Variants in DNAJC4 observed in about 807,000 individuals in gnomAD.
The protein encoded by DNAJC4 is DnaJ heat shock protein family (Hsp40) member C4, also known as dnaJ homolog subfamily C member 4.
DNAJC4 carries 26 observed loss-of-function variants against 26.8 expected under a neutral mutation model. The observed-to-expected ratio is 0.97, with a 90% CI of 0.71 to 1.34. DNAJC4 has a LOEUF of 1.34. Ranked by LOEUF, DNAJC4 falls within the 40% of genes most tolerant of loss-of-function variation. The pLI, the probability that DNAJC4 is intolerant of heterozygous loss-of-function variation, is 0.00. For synonymous variants in DNAJC4, 134 were observed against 127.8 expected (o/e 1.05, Z -0.33); for missense variants, 342 against 321.1 (o/e 1.07, Z -0.50).
chr11:64,234,086 A>G lies in DNAJC4; in HGVS notation c.628A>G (p.Ile210Val), dbSNP rs988381474. ...ARARARANRG[I>V]LQQERQRLGQ... ...CCTCTCCTCCAGGGCCAACAGAGGC[A>G]TCCTTCAGCAGGAGCGACAACGGCT... The change falls in exon 6 of 6, where the codon ATC (isoleucine) becomes GTC (valine). Residue 210 changes from isoleucine to valine, a missense_variant. Physicochemically the swap from Ile to Val is conservative, Grantham distance 29. Transcript: ENST00000628077. The surrounding 1 kb of genome is among the most constrained non-coding windows in gnomAD (Gnocchi z 5.3). 1.2e-6 allele frequency: 2 copies of G among 1,612,228 alleles called. No homozygotes were observed. The highest frequency in any genetic ancestry group is 4.5e-5 in the East Asian group (2 of 44,848).
In DNAJC4 at chr11:64,230,904, C is replaced by T. The variant is rs939537242; in HGVS notation, c.50C>T (p.Pro17Leu). ...CTGTGCCGGCTGTGGCCCCGCAACC[C>T]TCCCTCCCGGCTCCTCGGAGCGGCC... ...LRLCRLWPRN[P>L]PSRLLGAAAG... The change falls in exon 1 of 6, where the codon CCT (proline) becomes CTT (leucine). Residue 17 changes from proline (P) to leucine (L), a missense_variant. Transcript: ENST00000628077. 1.9e-6 allele frequency: 3 copies of T among 1,587,894 alleles called. No individual in the cohort carries two copies. The highest frequency in any genetic ancestry group is 1.3e-5 in the African/African-American group (1 of 74,342).
rs768717690 is a variant in DNAJC4, at chr11:64,232,883, C to T, written c.527+18C>T. 4.4e-5 allele frequency: 69 copies of T among 1,554,566 alleles called. No homozygotes were observed. The Middle Eastern group carries it at 6.8e-4, about 15-fold the overall frequency. ...GCCTTCAGGTGATGCCTGTTCTCCC[C>T]GGGGTGATGGGCAGAGGGCAGGAGG... On this transcript the variant is annotated intron_variant, in intron 4 of 5. Transcript: ENST00000628077.
At chr11:64,233,873 G>A (rs749480968) in intron 4 of DNAJC4, 21 bp from the exon 5 acceptor site, 2 of 1,611,048 alleles carry the variant, frequency 1.2e-6, no homozygotes, top group South Asian at 2.2e-5. Context: ...GATTCCCAGG[G>A]TTAATTGTGA....
chr11:64,232,457 C>T lies in DNAJC4; in HGVS notation c.208C>T (p.Pro70Ser), dbSNP rs199745306. Residue 70 changes from proline (P) to serine (S), a missense_variant, in exon 3 of 6, where the codon CCA becomes TCA. Transcript: ENST00000628077. Reference sequence around the variant, plus strand: ...GCACCCAGACCGGGACCCTGGGAACCCAAGCCTGCACAGCCGCTTTGTGGA... The same window carrying T: ...GCACCCAGACCGGGACCCTGGGAACTCAAGCCTGCACAGCCGCTTTGTGGA... ...ELHPDRDPGN[P>S]SLHSRFVELS... The T allele has an allele frequency of 9.1e-3, 14,623 of 1,600,620 alleles. 101 individuals are homozygous for T. The highest frequency in any genetic ancestry group is 0.011 in the Non-Finnish European group (13,253 of 1,171,108).
rs372029552 is a variant in DNAJC4 at position 64,232,749 on chromosome 11, C to T, written c.411C>T (p.Ser137=). ...PNAQYWSQFH[S]VRPQGPQLRQ... ...CACAGTACTGGTCCCAGTTTCACAG[C>T]GTGAGGCCACAGGGGCCCCAGTTGA... Residue 137 remains serine, a synonymous_variant, in exon 4 of 6, where the codon AGC becomes AGT. Coordinates refer to ENST00000628077, the MANE Select transcript of DNAJC4 (RefSeq NM_005528.4). The T allele has an allele frequency of 7.8e-5, 125 of 1,612,022 alleles. 1 individual carries two copies. Among genetic ancestry groups the T allele is most frequent in the Non-Finnish European group, 9.9e-5 (117 of 1,178,974 alleles).
At chr11:64,233,659 A>G (rs886763728) in intron 4 of DNAJC4, 9 of 588,262 alleles carry the variant, frequency 1.5e-5, no homozygotes, top group African/African-American at 1.3e-4. Context: ...GAGCACCCCC[A>G]TGTCCACAGC....
intron 2 of DNAJC4, 192 bp downstream of exon 2, chr11:64,232,156 G>C (rs571826604): frequency 8.3e-6 from 6 of 723,068 alleles, no homozygotes; most frequent in Non-Finnish European, 1.4e-5. Context: ...GATGGGCTGG[G>C]CTTGGTTTTC....
chr11:64,233,622 C>T (rs905053677), intron 4 of DNAJC4: 5 of 534,342 alleles, frequency 9.4e-6, no homozygotes, highest in Middle Eastern at 5.1e-4. Flanking sequence ...TGGAGTTAGA[C>T]GCATACCCTT....
Position 64,234,034 on chromosome 11 carries a change from G to C in DNAJC4, c.615-39G>C. ...CTCCCTGTCCAGGAACCACACTTCGGGATCCCTATCCCAACCACCCAGGTG... is the reference window on the plus strand; with the variant it reads ...CTCCCTGTCCAGGAACCACACTTCGCGATCCCTATCCCAACCACCCAGGTG... On this transcript the variant is annotated intron_variant, in intron 5 of 5. Transcript: ENST00000628077. This position sits in a 1 kb window ranked among gnomAD's most constrained non-coding sequence, Gnocchi z 5.3. 2 of 1,613,844 alleles carry C rather than the reference G, an allele frequency of 1.2e-6. No homozygotes were observed. Among genetic ancestry groups the C allele is most frequent in the Non-Finnish European group, 1.7e-6 (2 of 1,180,012 alleles).
rs1379591754 is a variant in DNAJC4 at position 64,232,577 on chromosome 11, A to C, written c.328A>C (p.Thr110Pro). 6.2e-7 allele frequency: 1 copy of C among 1,610,136 alleles called. No individual in the cohort carries two copies. Among genetic ancestry groups the C allele is most frequent in the East Asian group, 2.2e-5 (1 of 44,780 alleles). ...AGGTAGTCCCCCAAAGTCTCCACGAACCACAGTCCATGACAAGTCTGCCCA... is the reference window on the plus strand; with the variant it reads ...AGGTAGTCCCCCAAAGTCTCCACGACCCACAGTCCATGACAAGTCTGCCCA... ...RSGSPPKSPR[T>P]TVHDKSAHQT... Residue 110 changes from threonine (T) to proline (P), a missense_variant, in exon 3 of 6, where the codon ACC (threonine) becomes CCC (proline). Coordinates refer to ENST00000628077, the MANE Select transcript of DNAJC4 (RefSeq NM_005528.4).
At position 64,231,930 on chromosome 11, in the gene DNAJC4, A is replaced by C. The variant is rs544177015; in HGVS notation, c.146A>C (p.Glu49Ala). The change falls in exon 2 of 6, where the codon GAA becomes GCA. Residue 49 changes from glutamate to alanine, a missense_variant. Coordinates refer to ENST00000628077, the MANE Select transcript of DNAJC4 (RefSeq NM_005528.4). ...LGVHPGASTE[E>A]VKRAFFSKSK... ...GTGCATCCTGGTGCCAGCACTGAGG[A>C]AGTTAAACGAGCTTTCTTCTCCAAG... is the stretch of plus-strand genomic sequence containing the variant. The C allele has an allele frequency of 3.1e-4, 498 of 1,614,080 alleles. 6 individuals carry two copies. The South Asian group carries it at 5.3e-3, about 17-fold the overall frequency.
At chr11:64,230,965 C>T in intron 1 of DNAJC4, 25 bp downstream of exon 1, 1 of 1,538,482 alleles carries the variant, frequency 6.5e-7, no homozygotes, top group South Asian at 1.2e-5. Context: ...GGGGGCCGGC[C>T]CGGTTGTTCA....
chr11:64,232,272 G>A (rs1013053357), intron 2 of DNAJC4, 158 bp from the exon 3 acceptor site: 2 of 949,672 alleles, frequency 2.1e-6, no homozygotes, highest in African/African-American at 1.7e-5. Context: ...AGGAGTCCAT[G>A]CTCTCTGGCC....
chr11:64,232,831 C>A lies in DNAJC4; in HGVS notation c.493C>A (p.Leu165Met). The change falls in exon 4 of 6, where the codon CTG (leucine) becomes ATG (methionine). Residue 165 changes from leucine to methionine, a missense_variant. By Grantham distance (15) the Leu-to-Met change is conservative (BLOSUM62 2). Transcript: ENST00000628077. Reference sequence around the variant, plus strand: ...GCTGGGGTACTGCCTCCTCCTCATGCTGGCGGGCATGGGCCTGCACTACAT... The same window carrying A: ...GCTGGGGTACTGCCTCCTCCTCATGATGGCGGGCATGGGCCTGCACTACAT... ...QVLGYCLLLM[L>M]AGMGLHYIAF... is the part of the protein sequence containing the mutation. 6.2e-7 allele frequency: 1 copy of A among 1,609,832 alleles called. No homozygotes were observed. Among genetic ancestry groups the A allele is most frequent in the Non-Finnish European group, 8.5e-7 (1 of 1,177,510 alleles).
chr11:64,234,154 C>T lies in DNAJC4; in HGVS notation c.696C>T (p.Pro232=), dbSNP rs1265439719. The T allele has an allele frequency of 1.3e-6, 2 of 1,586,238 alleles. No homozygotes were observed. The highest frequency in any genetic ancestry group is 8.6e-7 in the Non-Finnish European group (1 of 1,168,750). The change falls in exon 6 of 6, where the codon CCC becomes CCT. Residue 232 remains proline (P), a synonymous_variant. Transcript: ENST00000628077. The surrounding 1 kb of genome is among the most constrained non-coding windows in gnomAD (Gnocchi z 5.3). Reference sequence around the variant, plus strand: ...CACCATCCGAGCCAACCCAAGGCCCCGAGATCGTGCCCCGGGGCGCCGGCC... The same window carrying T: ...CACCATCCGAGCCAACCCAAGGCCCTGAGATCGTGCCCCGGGGCGCCGGCC... ...QPPPSEPTQG[P]EIVPRGAGP
upstream of DNAJC4, chr11:64,230,491 C>T: frequency 1.8e-6 from 1 of 557,764 alleles, no homozygotes; most frequent in Non-Finnish European, 3.4e-6. Context: ...TGAATAGACG[C>T]AGGAAATGGC....
rs754860524 is a variant in DNAJC4 at position 64,232,814 on chromosome 11, ACTGC to A, written c.479_482del (p.Cys160SerfsTer18). On this transcript the variant is annotated frameshift_variant, in exon 4 of 6. Coordinates refer to ENST00000628077, the MANE Select transcript of DNAJC4 (RefSeq NM_005528.4). LOFTEE classifies it high-confidence loss of function. ...AAACAAAACAAACAAGTGCTGGGGT[ACTGC>A]CTCCTCCTCATGCTGGCGGGCATGG... 6 of 1,612,850 alleles carry A rather than the reference ACTGC, an allele frequency of 3.7e-6. No individual in the cohort carries two copies. In the South Asian group the frequency reaches 5.5e-5, roughly 15 times the overall value.
chr11:64,230,898 G>T lies in DNAJC4; in HGVS notation c.44G>T (p.Arg15Leu). The T allele has an allele frequency of 1.3e-6, 2 of 1,591,070 alleles. No individual in the cohort carries two copies. The highest frequency in any genetic ancestry group is 1.7e-6 in the Non-Finnish European group (2 of 1,172,640). Residue 15 changes from arginine (R) to leucine (L), a missense_variant, in exon 1 of 6, where the codon CGC (arginine) becomes CTC (leucine). By Grantham distance (102) the Arg-to-Leu change is moderately radical (BLOSUM62 -2). Transcript: ENST00000628077. The stretch of plus-strand genomic sequence containing the variant: ...CTGCGCCTGTGCCGGCTGTGGCCCC[G>T]CAACCCTCCCTCCCGGCTCCTCGGA... ...LPLRLCRLWP[R>L]NPPSRLLGAA...
At chr11:64,231,106 C>G (rs1565313922) in intron 1 of DNAJC4, 166 bp downstream of exon 1, 1 of 906,300 alleles carries the variant, frequency 1.1e-6, no homozygotes, top group Non-Finnish European at 1.7e-6. Context: ...CCCCCAAGGT[C>G]ATACACCGAT....
Sources: allele counts gnomAD v4.1 joint callset, GRCh38; gene constraint gnomAD v4.1.1; non-coding constraint Gnocchi (gnomAD v3.1); transcripts MANE v1.5; gene names NCBI Gene and HGNC (gene_info 2026-07-23, HGNC 2026-07-21).